The following PCDH15 variants were observed in gnomAD, a reference collection of about 807,000 sequenced individuals.
PCDH15 encodes the protein protocadherin related 15.
A neutral mutation model predicts 178.5 loss-of-function variants in PCDH15; 129 were observed. The ratio of observed to expected loss-of-function variants is 0.72; its 90% CI spans 0.63 to 0.84. The LOEUF (loss-of-function observed/expected upper bound fraction) is 0.84, where lower values mean the gene tolerates loss of function less well. Among genes scored for constraint, PCDH15 ranks in the 40% least tolerant of loss-of-function variants. PCDH15 has a pLI of 0.00. For missense variants in PCDH15, 2,230 were observed against 2,099.9 expected (o/e 1.06, Z -1.21); for synonymous variants, 800 against 732.0 (o/e 1.09, Z -1.50).
intron 1 of PCDH15, among the ~76,000 whole-genome samples, chr10:54,740,662 A>G (rs1374451881): frequency 2.0e-5 from 3 of 152,082 alleles, no homozygotes; most frequent in Non-Finnish European, 4.4e-5. Context: ...AAAATGTAGT[A>G]TATATACAAA....
intron 9 of PCDH15, among the ~76,000 whole-genome samples, chr10:54,221,747 T>C (rs2052841623): frequency 6.6e-6 from 1 of 152,006 alleles, no homozygotes; most frequent in South Asian, 2.1e-4. Flanking sequence ...GGATTACAGG[T>C]GCCCACCACC....
At chr10:55,531,282 G>A (rs981898042) in intron 2 of PCDH15, among the ~76,000 whole-genome samples, 2 of 151,934 alleles carry the variant, frequency 1.3e-5, no homozygotes, top group African/African-American at 2.4e-5. Context: ...AAAGTAGACT[G>A]AGGACACATT....
chr10:54,644,239 A>G (rs2094068984), intron 2 of PCDH15, among the ~76,000 whole-genome samples: 1 of 150,882 alleles, frequency 6.6e-6, no homozygotes, highest in African/African-American at 2.4e-5. Flanking sequence ...CAACAAATAG[A>G]TGAATTTTTA....
chr10:54,963,921 G>A (rs1029623622), intron 2 of PCDH15, among the ~76,000 whole-genome samples: 5 of 152,152 alleles, frequency 3.3e-5, no homozygotes, highest in African/African-American at 1.2e-4. Context: ...CTGAGACAAT[G>A]GTGATGGGAG....
Position 54,479,059 on chromosome 10 carries a change from G to A in PCDH15, c.157+48753C>T, listed in dbSNP as rs1427083889. On this transcript the variant is annotated intron_variant, in intron 3 of 37. Transcript: ENST00000644397. ...AGATTGTGCCAGCAACATAAATGGA[G>A]ACATAGAAACATTTTAATCTTAATA... Among the ~76,000 whole-genome samples the A allele has an allele frequency of 5.3e-5, 8 of 150,846 alleles. No individual in the cohort carries two copies. In the East Asian group the frequency reaches 1.2e-3, roughly 22 times the overall value.
intron 2 of PCDH15, among the ~76,000 whole-genome samples, chr10:55,052,933 T>G (rs538167688): frequency 6.6e-6 from 1 of 152,132 alleles, no homozygotes; most frequent in Non-Finnish European, 1.5e-5. Context: ...AAATTTGACA[T>G]GCAGGAGCAA....
chr10:54,109,362 T>C (rs1007190885), intron 15 of PCDH15, among the ~76,000 whole-genome samples: 9 of 152,166 alleles, frequency 5.9e-5, no homozygotes, highest in Admixed American at 2.0e-4. Flanking sequence ...CTGGGAAAAC[T>C]GGATATCCAT....
intron 2 of PCDH15, chr10:54,608,013 T>C (rs1448572987): frequency 2.2e-6 from 1 of 458,670 alleles, no homozygotes; most frequent in South Asian, 1.6e-5. Context: ...GTGAGAAGAC[T>C]TGCACACATA....
chr10:54,196,303 T>C (rs2384398), intron 10 of PCDH15, among the ~76,000 whole-genome samples: 34,502 of 151,644 alleles, frequency 0.23, 5,805 homozygotes, highest in African/African-American at 0.48. Context: ...CCACCACGCA[T>C]GGCTAATGTT....
chr10:54,387,538 T>C (rs1384318616), intron 3 of PCDH15, among the ~76,000 whole-genome samples: 1 of 152,204 alleles, frequency 6.6e-6, no homozygotes, highest in South Asian at 2.1e-4. Flanking sequence ...TATTTTTTAA[T>C]AAACATAGAT....
Position 55,547,885 on chromosome 10 carries a change from T to TGGTGTG in PCDH15, c.-156+79734_-156+79739dup, listed in dbSNP as rs201156306. ...AGCCCAGGCTAACAATGCAGGGAGGTGGTGTGTGTGTCTGTGTGTGTGTGT... is the reference window on the plus strand; with the variant it reads ...AGCCCAGGCTAACAATGCAGGGAGGTGGTGTGGGTGTGTGTGTCTGTGTGTGTGTGT... On this transcript the variant is annotated intron_variant, in intron 2 of 5. Transcript: ENST00000613346. 6.1e-3 allele frequency among the ~76,000 whole-genome samples: 259 copies of TGGTGTG among 42,218 alleles called. 9 individuals are homozygous for TGGTGTG. Among genetic ancestry groups the TGGTGTG allele is most frequent in the South Asian group, 0.011 (12 of 1,092 alleles). 27.7% of individuals were successfully genotyped at this position (42,218 alleles called of 152,430 possible).
intron 1 of PCDH15, among the ~76,000 whole-genome samples, chr10:54,719,166 A>T (rs11004479): frequency 0.12 from 18,516 of 152,022 alleles, 1,259 homozygotes; most frequent in African/African-American, 0.17. Flanking sequence ...AGATATCATT[A>T]AAAAACAAAC....
intron 2 of PCDH15, chr10:54,619,148 A>T (rs1220577611): frequency 1.0e-5 from 1 of 96,498 alleles, no homozygotes; most frequent in Non-Finnish European, 2.6e-5. Flanking sequence ...AATCTAACTT[A>T]AAAAAAATGT....
At position 55,301,721 on chromosome 10, in the gene PCDH15, A is replaced by T. The variant is rs1467822072; in HGVS notation, c.-156+17878T>A. Among the ~76,000 whole-genome samples, 3 of 152,114 alleles carry T rather than the reference A, an allele frequency of 2.0e-5. No individual in the cohort carries two copies. The East Asian group carries it at 5.8e-4, about 29-fold the overall frequency. On this transcript the variant is annotated intron_variant, in intron 1 of 5. Coordinates refer to the PCDH15 transcript ENST00000458638. ...TAAGTTTTTATTCTAAAAGTTTTAT[A>T]ATTTTACATTTTAGTCCATGATCCA...
Position 54,885,633 on chromosome 10 carries a change from AGAT to A in PCDH15, c.-29+11814_-29+11816del, listed in dbSNP as rs763882826. Among the ~76,000 whole-genome samples the A allele has an allele frequency of 1.6e-4, 25 of 152,266 alleles. No individual in the cohort carries two copies. The South Asian group carries it at 1.7e-3, about 10-fold the overall frequency. On this transcript the variant is annotated intron_variant, in intron 3 of 5. Coordinates refer to the PCDH15 transcript ENST00000458638. The stretch of plus-strand genomic sequence containing the variant: ...TCAATATGAAAATAACATAATTTTA[AGAT>A]GATCGCAAACTCATCTGGACACCAA...
At chr10:54,075,144 G>A (rs1249129136) in intron 17 of PCDH15, among the ~76,000 whole-genome samples, 5 of 152,078 alleles carry the variant, frequency 3.3e-5, no homozygotes, top group Non-Finnish European at 5.9e-5. Flanking sequence ...TTGGGAGGCT[G>A]AGGCAGGCAG....
At chr10:55,330,914 G>A (rs1052875004) in intron 2 of PCDH15, among the ~76,000 whole-genome samples, 1 of 151,062 alleles carries the variant, frequency 6.6e-6, no homozygotes, top group Admixed American at 6.6e-5. Flanking sequence ...TTTAGCTTAA[G>A]TATTAATTTT....
intron 2 of PCDH15, among the ~76,000 whole-genome samples, chr10:54,939,840 C>T (rs1277419254): frequency 3.3e-5 from 5 of 152,056 alleles, no homozygotes; most frequent in African/African-American, 7.2e-5. Context: ...TTCCCTCCAG[C>T]CTGTTTTATA....
intron 2 of PCDH15, among the ~76,000 whole-genome samples, chr10:55,001,455 C>A (rs1839792787): frequency 6.6e-6 from 1 of 152,180 alleles, no homozygotes; most frequent in Non-Finnish European, 1.5e-5. Context: ...CCTAGGGGCT[C>A]CCCAAGGCGG....
Sources: allele counts gnomAD v4.1 joint callset (sites outside exome capture counted in the v4.1 genomes callset), GRCh38; gene constraint gnomAD v4.1.1; transcripts MANE v1.5; gene names NCBI Gene and HGNC (gene_info 2026-07-23, HGNC 2026-07-21).